TET1: variants seen among roughly 807,000 people sequenced by gnomAD.
TET1 encodes the protein methylcytosine dioxygenase TET1.
Under a neutral mutation model 148.7 loss-of-function variants are expected in TET1, and 13 were observed. That is an observed-to-expected ratio of 0.09 (90% CI 0.06 to 0.14). The LOEUF (loss-of-function observed/expected upper bound fraction) is 0.14. Ranked by LOEUF, TET1 falls within the 10% of genes least tolerant of loss-of-function variation. The pLI, the probability that TET1 is intolerant of heterozygous loss-of-function variation, is 1.00. For synonymous variants in TET1, 907 were observed against 937.2 expected, an observed-to-expected ratio of 0.97 and a Z score of 0.59; for missense variants, 2,182 against 2,553.8, an observed-to-expected ratio of 0.85 and a Z score of 3.14.
At chr10:68,640,270 T>G (rs2133063597) in intron 3 of TET1, among the ~76,000 whole-genome samples, 1 of 150,642 alleles carries the variant, frequency 6.6e-6, no homozygotes, top group East Asian at 2.0e-4. Context: ...CCTTAAATTT[T>G]TTTTTTTTTC....
intron 8 of TET1, chr10:68,673,606 G>T: frequency 6.3e-6 from 1 of 159,588 alleles, no homozygotes; most frequent in Non-Finnish European, 1.4e-5. Flanking sequence ...TCGTGGGTGG[G>T]TAGGCAGTGG....
In TET1 at chr10:68,690,963, A is replaced by T; in HGVS notation, c.5560A>T (p.Thr1854Ser). The part of the protein sequence containing the change: ...ASPGFSWSPK[T>S]ASATPAPLKN... Reference sequence around the variant, plus strand: ...TCCAGGCTTCTCCTGGTCCCCGAAGACTGCTTCAGCCACACCAGCTCCACT... The same window carrying T: ...TCCAGGCTTCTCCTGGTCCCCGAAGTCTGCTTCAGCCACACCAGCTCCACT... Residue 1854 changes from threonine (T) to serine (S), a missense_variant, in exon 12 of 12, where the codon ACT (threonine) becomes TCT (serine). This residue lies in a region of TET1 where 380 missense variants were observed against 387.9 expected (regional missense o/e 0.98). Transcript: ENST00000373644. 1 of 1,614,222 alleles carries T rather than the reference A, an allele frequency of 6.2e-7. No individual in the cohort carries two copies. The highest frequency in any genetic ancestry group is 8.5e-7 in the Non-Finnish European group (1 of 1,180,042).
At chr10:68,625,212 C>A (rs1024880993) in intron 3 of TET1, among the ~76,000 whole-genome samples, 2 of 152,142 alleles carry the variant, frequency 1.3e-5, no homozygotes, top group African/African-American at 4.8e-5. Context: ...CAAGTTTGCC[C>A]GCTCCTGGCA....
chr10:68,632,988 A>G (rs2054598902), intron 3 of TET1, among the ~76,000 whole-genome samples: 2 of 152,148 alleles, frequency 1.3e-5, no homozygotes, highest in African/African-American at 4.8e-5. Flanking sequence ...GTTCGAGAGC[A>G]GCTTGTCTAA....
At chr10:68,561,261 C>T (rs1481532192) in intron 1 of TET1, among the ~76,000 whole-genome samples, 1 of 151,994 alleles carries the variant, frequency 6.6e-6, no homozygotes, top group Non-Finnish European at 1.5e-5. Context: ...TCCCTCCCCC[C>T]ATATATATAT....
chr10:68,659,038 G>A (rs1430466567), intron 6 of TET1, among the ~76,000 whole-genome samples: 3 of 152,106 alleles, frequency 2.0e-5, no homozygotes, highest in African/African-American at 7.2e-5. Context: ...GACCAGGCTG[G>A]CCAACGTGGT....
In TET1 at chr10:68,574,106, C is replaced by T. The variant is rs750883311; in HGVS notation, c.1768C>T (p.Arg590Ter). ...LPTLEKKKRK[R>*]CGVCEPCQQK... ...GACTTTGGAAAAGAAGAAAAGAAAG[C>T]GATGTGGGGTCTGTGAACCCTGCCA... Residue 590 changes from arginine (R) to a stop codon, truncating the protein, a stop_gained, in exon 2 of 12, where the codon CGA (arginine) becomes TGA (stop). Coordinates refer to ENST00000373644, the MANE Select transcript of TET1 (RefSeq NM_030625.3). LOFTEE classifies it high-confidence loss of function. The T allele has an allele frequency of 2.5e-6, 4 of 1,614,072 alleles. No individual in the cohort carries two copies. Among genetic ancestry groups the T allele is most frequent in the Non-Finnish European group, 3.4e-6 (4 of 1,180,024 alleles).
chr10:68,598,786 G>A (rs2054017859), intron 2 of TET1, among the ~76,000 whole-genome samples: 1 of 151,170 alleles, frequency 6.6e-6, no homozygotes, highest in Non-Finnish European at 1.5e-5. Flanking sequence ...TGTCTCCTGG[G>A]TTCAAGCGAT....
At chr10:68,609,367 G>A (rs1213166568) in intron 3 of TET1, among the ~76,000 whole-genome samples, 3 of 151,946 alleles carry the variant, frequency 2.0e-5, no homozygotes, top group Admixed American at 2.0e-4. Flanking sequence ...CTCCATGTTG[G>A]TCAGGCTGGT....
rs201408896 is a variant in TET1, at chr10:68,573,016, A to G, written c.678A>G (p.Gly226=). 210 of 1,614,054 alleles carry G rather than the reference A, an allele frequency of 1.3e-4. No homozygotes were observed. The highest frequency in any genetic ancestry group is 1.2e-3 in the Middle Eastern group (7 of 6,084). The change falls in exon 2 of 12, where the codon GGA becomes GGG. Residue 226 remains glycine (G), a synonymous_variant. Transcript: ENST00000373644. ...TGGAAGGGACACGCTGTGGTGAAGGACTATTCTCTGAAGAGACATTGAATG... is the reference window on the plus strand; with the variant it reads ...TGGAAGGGACACGCTGTGGTGAAGGGCTATTCTCTGAAGAGACATTGAATG... The part of the protein sequence containing the change: ...GPLEGTRCGE[G]LFSEETLNDT...
rs1009089758 is a variant in TET1 at position 68,616,112 on chromosome 10, ATTAT to A, written c.1968+15082_1968+15085del. On this transcript the variant is annotated intron_variant, in intron 3 of 11. Transcript: ENST00000373644. ...AAATTAACATTGATACAATGCTATT[ATTAT>A]TTAATCTACTAATAAGGAAATTAAC... is the stretch of plus-strand genomic sequence containing the variant. 2.6e-5 allele frequency among the ~76,000 whole-genome samples: 4 copies of A among 152,334 alleles called. No individual in the cohort carries two copies. The South Asian group carries it at 6.2e-4, about 24-fold the overall frequency.
At chr10:68,685,816 TAGAAC>T (rs2055500847) in intron 10 of TET1, among the ~76,000 whole-genome samples, 1 of 152,066 alleles carries the variant, frequency 6.6e-6, no homozygotes, top group African/African-American at 2.4e-5. Flanking sequence ...AGAGCAGTAA[TAGAAC>T]AGAAAGAGAA....
chr10:68,613,791 A>T (rs1450621128), intron 3 of TET1, among the ~76,000 whole-genome samples: 1 of 152,108 alleles, frequency 6.6e-6, no homozygotes, highest in African/African-American at 2.4e-5. Flanking sequence ...ACAGAAAATT[A>T]GCTGGGCATG....
chr10:68,659,025 C>T (rs1408080258), intron 6 of TET1, among the ~76,000 whole-genome samples: 3 of 152,108 alleles, frequency 2.0e-5, no homozygotes, highest in Admixed American at 6.6e-5. Flanking sequence ...ACCAGGAGTT[C>T]AAGACCAGGC....
chr10:68,629,805 G>A (rs950377485), intron 3 of TET1, among the ~76,000 whole-genome samples: 8 of 151,934 alleles, frequency 5.3e-5, no homozygotes. Context: ...CAAAGTGCTG[G>A]GATTACAGGC....
intron 1 of TET1, among the ~76,000 whole-genome samples, chr10:68,566,275 G>A (rs549616588): frequency 3.9e-4 from 60 of 152,250 alleles, no homozygotes; most frequent in African/African-American, 1.4e-3. Context: ...AAGAGAGAAA[G>A]CATGCTTTTA....
intron 8 of TET1, among the ~76,000 whole-genome samples, chr10:68,676,236 G>GTATATATATA (rs750680550): frequency 5.4e-5 from 3 of 55,492 alleles, no homozygotes; most frequent in African/African-American, 2.9e-4. Flanking sequence ...GTATGTATGT[G>GTATATATATA]TATATATATA....
Position 68,573,660 on chromosome 10 carries a change from C to T in TET1, c.1322C>T (p.Ala441Val). 6.2e-7 allele frequency: 1 copy of T among 1,614,162 alleles called. No individual in the cohort carries two copies. The highest frequency in any genetic ancestry group is 1.1e-5 in the South Asian group (1 of 91,086). The change falls in exon 2 of 12, where the codon GCT becomes GTT. Residue 441 changes from alanine to valine, a missense_variant. Around this residue, in one of 11 missense-constraint regions of TET1, gnomAD observed 665 missense variants for 672.4 expected, o/e 0.99. Transcript: ENST00000373644. The part of the protein sequence containing the change: ...VFLPVPPNPI[A>V]TFNAPSKWPE... Reference sequence around the variant, plus strand: ...CTTCCTGTTCCTCCAAATCCAATTGCTACCTTTAATGCTCCTTCCAAATGG... The same window carrying T: ...CTTCCTGTTCCTCCAAATCCAATTGTTACCTTTAATGCTCCTTCCAAATGG...
At chr10:68,614,005 T>C (rs1197216047) in intron 3 of TET1, among the ~76,000 whole-genome samples, 1 of 152,194 alleles carries the variant, frequency 6.6e-6, no homozygotes, top group Non-Finnish European at 1.5e-5. Context: ...TATTTGCTGA[T>C]TAAGATAAGT....
Sources: gnomAD v4.1 joint callset for allele counts (sites outside exome capture counted in the v4.1 genomes callset) on GRCh38, gnomAD v4.1.1 for gene constraint, gnomAD v4.1.1 regional missense constraint, MANE v1.5 for transcripts, NCBI Gene and HGNC (gene_info 2026-07-23, HGNC 2026-07-21) for gene names.